Variants in CNST observed in about 807,000 individuals in gnomAD.
The protein encoded by CNST is consortin, connexin sorting protein.
A neutral mutation model predicts 72.4 loss-of-function variants in CNST; 39 were observed. That is an observed-to-expected ratio of 0.54 (90% CI 0.42 to 0.70). CNST has a LOEUF of 0.70. Ranked by LOEUF, CNST falls within the 30% of genes least tolerant of loss-of-function variation. The probability of loss-of-function intolerance (pLI) is 0.00; values close to 1 mark genes in which losing one functional copy is unlikely to be tolerated. For synonymous variants in CNST, 332 were observed against 320.1 expected, an observed-to-expected ratio of 1.04 and a Z score of -0.40; for missense variants, 871 against 868.5, an observed-to-expected ratio of 1.00 and a Z score of -0.04.
At chr1:246,578,586 G>A (rs1174425246) in intron 1 of CNST, among the ~76,000 whole-genome samples, 1 of 152,082 alleles carries the variant, frequency 6.6e-6, no homozygotes, top group South Asian at 2.1e-4. Flanking sequence ...CAGGAGAATT[G>A]CTTGAACCCG....
chr1:246,567,009 C>A (rs988651483), intron 1 of CNST, among the ~76,000 whole-genome samples: 1 of 152,102 alleles, frequency 6.6e-6, no homozygotes, highest in Non-Finnish European at 1.5e-5. Context: ...GCCCGCTCTC[C>A]CCACCCTCGT....
At position 246,591,727 on chromosome 1, in the gene CNST, C is replaced by T. The variant is rs1185455235; in HGVS notation, c.165C>T (p.Asp55=). 7 of 1,614,146 alleles carry T rather than the reference C, an allele frequency of 4.3e-6. No individual in the cohort carries two copies. The highest frequency in any genetic ancestry group is 2.2e-5 in the East Asian group (1 of 44,874). ...GGCATGAGCATCTGACCAGCAGTGA[C>T]AGTGCGATGGGAAAGCCCCAAGTGT... is the stretch of plus-strand genomic sequence containing the variant. The part of the protein sequence containing the change: ...GDGHEHLTSS[D]SAMGKPQVSE... The change falls in exon 2 of 11, where the codon GAC becomes GAT. Residue 55 remains aspartate (D), a synonymous_variant. Transcript: ENST00000366513.
intron 2 of CNST, among the ~76,000 whole-genome samples, chr1:246,596,963 C>CAT (rs1293045309): frequency 6.6e-6 from 1 of 152,158 alleles, no homozygotes; most frequent in Non-Finnish European, 1.5e-5. Context: ...ATTTATACAT[C>CAT]AGCTGAGGGA....
intron 2 of CNST, among the ~76,000 whole-genome samples, chr1:246,596,820 T>C (rs562578014): frequency 7.0e-4 from 107 of 152,354 alleles, no homozygotes; most frequent in African/African-American, 2.3e-3. Context: ...AGTGGAATCA[T>C]ACAATAGAAG....
At position 246,634,503 on chromosome 1, in the gene CNST, C is replaced by T. The variant is rs1182545002; in HGVS notation, c.734C>T (p.Thr245Ile). 3 of 1,601,424 alleles carry T rather than the reference C, an allele frequency of 1.9e-6. No individual in the cohort carries two copies. Among genetic ancestry groups the T allele is most frequent in the African/African-American group, 1.3e-5 (1 of 74,200 alleles). The change falls in exon 6 of 11, where the codon ACA (threonine) becomes ATA (isoleucine). Residue 245 changes from threonine (T) to isoleucine (I), a missense_variant. Thr to Ile is a moderately conservative substitution (Grantham distance 89, BLOSUM62 -1). Coordinates refer to ENST00000366513, the MANE Select transcript of CNST (RefSeq NM_152609.3). ...AAATGGAAAACTGTGCAACCACATA[C>T]AGTTACGGCTCTAAGGAATTCAGAA... ...ETKWKTVQPH[T>I]VTALRNSEKG...
chr1:246,623,019 C>T (rs997816562), intron 3 of CNST, among the ~76,000 whole-genome samples: 14 of 152,182 alleles, frequency 9.2e-5, no homozygotes, highest in African/African-American at 2.9e-4. Context: ...GATGGGGTTT[C>T]ACCATGTTGG....
At chr1:246,609,079 G>A (rs557523805) in intron 2 of CNST, among the ~76,000 whole-genome samples, 1 of 152,206 alleles carries the variant, frequency 6.6e-6, no homozygotes, top group Non-Finnish European at 1.5e-5. Flanking sequence ...GGGGGTGTGG[G>A]AGGGAGCATG....
chr1:246,616,237 A>G (rs1441941338), intron 2 of CNST, among the ~76,000 whole-genome samples: 1 of 152,110 alleles, frequency 6.6e-6, no homozygotes, highest in Non-Finnish European at 1.5e-5. Context: ...ATATATCTTG[A>G]AAACTTTTTG....
At chr1:246,624,488 T>A (rs893365104) in intron 3 of CNST, among the ~76,000 whole-genome samples, 1 of 152,252 alleles carries the variant, frequency 6.6e-6, no homozygotes, top group East Asian at 1.9e-4. Flanking sequence ...ACATTTAAAC[T>A]CTATTCCTAC....
At chr1:246,578,487 C>A (rs1469667272) in intron 1 of CNST, among the ~76,000 whole-genome samples, 3 of 151,852 alleles carry the variant, frequency 2.0e-5, no homozygotes, top group Non-Finnish European at 4.4e-5. Context: ...CTGGCTAACA[C>A]GGTGAAACCC....
At chr1:246,589,089 T>C (rs1315853275) in intron 1 of CNST, among the ~76,000 whole-genome samples, 1 of 152,132 alleles carries the variant, frequency 6.6e-6, no homozygotes, top group Non-Finnish European at 1.5e-5. Context: ...TAAGAAACCC[T>C]GAATCATTAT....
At position 246,642,516 on chromosome 1, in the gene CNST, CA is replaced by C. The variant is rs1665779761; in HGVS notation, c.937+480del. ...ATTTCTCCCCTTTTCTGTTTACTAA[CA>C]TATGATATACTTTAGTTTGTATGTA... On this transcript the variant is annotated intron_variant, in intron 8 of 10. Coordinates refer to ENST00000366513, the MANE Select transcript of CNST (RefSeq NM_152609.3). Among the ~76,000 whole-genome samples, 3 of 151,866 alleles carry C rather than the reference CA, an allele frequency of 2.0e-5. No individual in the cohort carries two copies. The South Asian group carries it at 6.2e-4, about 31-fold the overall frequency.
rs200507148 is a variant in CNST at position 246,647,680 on chromosome 1, T to C, written c.1479T>C (p.Asp493=). The C allele has an allele frequency of 6.2e-7, 1 of 1,614,042 alleles. No homozygotes were observed. Among genetic ancestry groups the C allele is most frequent in the East Asian group, 2.2e-5 (1 of 44,900 alleles). The change falls in exon 9 of 11, where the codon GAT becomes GAC. Residue 493 remains aspartate (D), a synonymous_variant. Coordinates refer to ENST00000366513, the MANE Select transcript of CNST (RefSeq NM_152609.3). Reference sequence around the variant, plus strand: ...AGCAGCCTGATCTTACAGACAGTGATGGAAAATCACCACAGGCGCAGGCTG... The same window carrying C: ...AGCAGCCTGATCTTACAGACAGTGACGGAAAATCACCACAGGCGCAGGCTG... ...ELQQPDLTDS[D]GKSPQAQADS...
intron 9 of CNST, among the ~76,000 whole-genome samples, chr1:246,653,314 G>A (rs748839318): frequency 6.6e-6 from 1 of 152,184 alleles, no homozygotes; most frequent in Non-Finnish European, 1.5e-5. Flanking sequence ...TTTACGACTA[G>A]CTGCTGTGGG....
At chr1:246,592,915 T>C (rs1194883665) in intron 2 of CNST, among the ~76,000 whole-genome samples, 2 of 152,180 alleles carry the variant, frequency 1.3e-5, no homozygotes, top group African/African-American at 4.8e-5. Flanking sequence ...AAAGGCAGCC[T>C]CTGGTTATTT....
intron 2 of CNST, among the ~76,000 whole-genome samples, chr1:246,612,592 C>T (rs1038821831): frequency 6.6e-6 from 1 of 152,010 alleles, no homozygotes; most frequent in Non-Finnish European, 1.5e-5. Context: ...AATAGCCCCC[C>T]AAAATCATAA....
chr1:246,632,979 A>G (rs984684990), intron 4 of CNST, among the ~76,000 whole-genome samples: 9 of 152,172 alleles, frequency 5.9e-5, no homozygotes, highest in Non-Finnish European at 1.3e-4. Flanking sequence ...AAAAAGGGAA[A>G]CATGTAGATT....
At chr1:246,587,533 G>A (rs1661273421) in intron 1 of CNST, among the ~76,000 whole-genome samples, 1 of 152,144 alleles carries the variant, frequency 6.6e-6, no homozygotes, top group Admixed American at 6.5e-5. Flanking sequence ...TGTTGGTTGT[G>A]GCTTAAAAGA....
intron 4 of CNST, among the ~76,000 whole-genome samples, chr1:246,633,426 G>A (rs2103099787): frequency 7.0e-6 from 1 of 142,074 alleles, no homozygotes; most frequent in African/African-American, 2.6e-5. Flanking sequence ...TCCAGCCTCG[G>A]TGACAGAGGG....
Sources: gnomAD v4.1 joint callset for allele counts (sites outside exome capture counted in the v4.1 genomes callset) on GRCh38, gnomAD v4.1.1 for gene constraint, MANE v1.5 for transcripts, NCBI Gene and HGNC (gene_info 2026-07-23, HGNC 2026-07-21) for gene names.